TXNDC11: variants seen among roughly 807,000 people sequenced by gnomAD.
TXNDC11 encodes the protein thioredoxin domain-containing protein 11.
Under a neutral mutation model 78.0 loss-of-function variants are expected in TXNDC11, and 68 were observed. The observed-to-expected ratio is 0.87, with a 90% CI of 0.72 to 1.07. The LOEUF is 1.07. Among genes scored for constraint, TXNDC11 ranks in the 50% least tolerant of loss-of-function variants. TXNDC11 has a pLI of 0.00. For missense variants in TXNDC11, 1,389 were observed against 1,221.8 expected (o/e 1.14, Z -2.04); for synonymous variants, 571 against 495.2 (o/e 1.15, Z -2.03).
At chr16:11,735,838 C>G (rs1417680252) in intron 2 of TXNDC11, among the ~76,000 whole-genome samples, 179 bp downstream of exon 2, 1 of 152,168 alleles carries the variant, frequency 6.6e-6, no homozygotes, top group Non-Finnish European at 1.5e-5. Context: ...CCTTGGAGTA[C>G]AATCGCCACA....
At chr16:11,709,979 C>G (rs2051296641) in intron 5 of TXNDC11, among the ~76,000 whole-genome samples, 1 of 152,128 alleles carries the variant, frequency 6.6e-6, no homozygotes, top group African/African-American at 2.4e-5. Flanking sequence ...CCCGTCTCTA[C>G]TAGAAGTACA....
At chr16:11,696,224 G>T (rs73517664) in intron 7 of TXNDC11, among the ~76,000 whole-genome samples, 1 of 151,932 alleles carries the variant, frequency 6.6e-6, no homozygotes, top group Non-Finnish European at 1.5e-5. Flanking sequence ...TCTCTGCTCA[G>T]GGTCCTCCTT....
At chr16:11,738,512 C>T (rs1215274310) in intron 1 of TXNDC11, among the ~76,000 whole-genome samples, 3 of 152,166 alleles carry the variant, frequency 2.0e-5, no homozygotes, top group African/African-American at 7.2e-5. Flanking sequence ...ATACTAAATG[C>T]TCACTATGTG....
At chr16:11,708,900 T>C (rs1300740520) in intron 5 of TXNDC11, among the ~76,000 whole-genome samples, 1 of 152,226 alleles carries the variant, frequency 6.6e-6, no homozygotes, top group Non-Finnish European at 1.5e-5. Context: ...AATAGGATTA[T>C]TTTAAAAAGG....
intron 5 of TXNDC11, among the ~76,000 whole-genome samples, chr16:11,718,766 C>A (rs955798185): frequency 6.6e-6 from 1 of 152,056 alleles, no homozygotes; most frequent in African/African-American, 2.4e-5. Flanking sequence ...GCATATGCAA[C>A]AGAATTTTAC....
chr16:11,715,420 A>G (rs1168153336), intron 5 of TXNDC11, among the ~76,000 whole-genome samples: 4 of 149,492 alleles, frequency 2.7e-5, no homozygotes, highest in Non-Finnish European at 5.9e-5. Context: ...CAAGGTTACC[A>G]CTGCGTTCCA....
At position 11,742,605 on chromosome 16, in the gene TXNDC11, C is replaced by G. The variant is rs953473175; in HGVS notation, c.126G>C (p.Ala42=). The change falls in exon 1 of 12, where the codon GCG becomes GCC. Residue 42 remains alanine (A), a synonymous_variant. Coordinates refer to ENST00000283033, the MANE Select transcript of TXNDC11 (RefSeq NM_015914.7). ...CGCGACGGAGCCGGCCCGCCGAGGA[C>G]GCTGTGGCCAGGGTCGGGCTCGAGC... is the stretch of plus-strand genomic sequence containing the variant. ...CLSSSPTLAT[A]SSAGRLRRGL... is the part of the protein sequence containing the mutation. 7.1e-5 allele frequency: 104 copies of G among 1,459,964 alleles called. No individual in the cohort carries two copies. The highest frequency in any genetic ancestry group is 8.9e-5 in the Non-Finnish European group (99 of 1,112,340). 90.4% of individuals were successfully genotyped at this position (1,459,964 alleles called of 1,614,324 possible). A position where few individuals can be genotyped will look rare whatever the true frequency, so the allele number is the denominator to read the frequency against.
At chr16:11,707,803 T>A (rs564349676) in intron 5 of TXNDC11, among the ~76,000 whole-genome samples, 3 of 152,090 alleles carry the variant, frequency 2.0e-5, no homozygotes, top group Admixed American at 6.5e-5. Context: ...TAAATTAGGC[T>A]GGGTATGGTA....
chr16:11,679,607 A>C lies in TXNDC11; in HGVS notation c.2465T>G (p.Val822Gly). The C allele has an allele frequency of 6.2e-7, 1 of 1,614,066 alleles. No homozygotes were observed. Residue 822 changes from valine to glycine, a missense_variant, in exon 12 of 12, where the codon GTG (valine) becomes GGG (glycine). Coordinates refer to ENST00000283033, the MANE Select transcript of TXNDC11 (RefSeq NM_015914.7). This position sits in a 1 kb window ranked among gnomAD's most constrained non-coding sequence, Gnocchi z 4.6. Reference sequence around the variant, plus strand: ...ACTGGAGAGCTGGGACTCCACCTGCACTTGTGCTCGCTGGAGGCTGCTTAT... The same window carrying C: ...ACTGGAGAGCTGGGACTCCACCTGCCCTTGTGCTCGCTGGAGGCTGCTTAT... ...AEISSLQRAQ[V>G]QVESQLSSAR... is the part of the protein sequence containing the mutation.
intron 3 of TXNDC11, among the ~76,000 whole-genome samples, chr16:11,731,254 GCAGA>G (rs1329728024): frequency 1.3e-5 from 2 of 152,136 alleles, no homozygotes; most frequent in East Asian, 3.9e-4. Context: ...AAAGAAACAG[GCAGA>G]CAAAGGATCA....
In TXNDC11 at chr16:11,711,015, G is replaced by C. The variant is rs374824005; in HGVS notation, c.794-10451C>G. ...AGAAGCTGGGGTGATGAAAATCACA[G>C]GACGTCCAGTGTGCCGGACGTCATG... On this transcript the variant is annotated intron_variant, in intron 5 of 11. Transcript: ENST00000283033. Among the ~76,000 whole-genome samples, 5 of 152,162 alleles carry C rather than the reference G, an allele frequency of 3.3e-5. No homozygotes were observed. The East Asian group carries it at 5.8e-4, about 18-fold the overall frequency.
intron 4 of TXNDC11, among the ~76,000 whole-genome samples, chr16:11,725,978 C>CA (rs1212939562): frequency 6.6e-6 from 1 of 152,234 alleles, no homozygotes; most frequent in Non-Finnish European, 1.5e-5. Context: ...TGGACTCAAG[C>CA]AATCCTTCAG....
intron 4 of TXNDC11, among the ~76,000 whole-genome samples, chr16:11,730,045 G>C (rs908679575): frequency 2.6e-5 from 4 of 152,062 alleles, no homozygotes; most frequent in African/African-American, 9.7e-5. Context: ...AGTGAGCTGA[G>C]ATTGCACTCC....
chr16:11,704,949 G>A (rs1034160259), intron 5 of TXNDC11, among the ~76,000 whole-genome samples: 2 of 150,132 alleles, frequency 1.3e-5, no homozygotes, highest in African/African-American at 2.5e-5. Flanking sequence ...TTGTTCTGTC[G>A]CCCAGGCTGG....
chr16:11,721,666 C>A lies in TXNDC11; in HGVS notation c.704G>T (p.Gly235Val). 1 of 1,607,468 alleles carries A rather than the reference C, an allele frequency of 6.2e-7. No homozygotes were observed. Among genetic ancestry groups the A allele is most frequent in the Non-Finnish European group, 8.5e-7 (1 of 1,175,182 alleles). Residue 235 changes from glycine (G) to valine (V), a missense_variant, in exon 5 of 12, where the codon GGA becomes GTA. Physicochemically the swap from Gly to Val is moderately radical, Grantham distance 109. Coordinates refer to ENST00000283033, the MANE Select transcript of TXNDC11 (RefSeq NM_015914.7). ...LLDFLSNYEP[G>V]VLGYFEFSGS... is the part of the protein sequence containing the mutation. The stretch of plus-strand genomic sequence containing the variant: ...ACTGAACTCAAAGTACCCGAGTACT[C>A]CAGGCTGCAGGAAAAAGAGCAGAAT...
At chr16:11,689,880 C>A (rs367911636) in intron 8 of TXNDC11, 2 of 152,092 alleles carry the variant, frequency 1.3e-5, no homozygotes, top group African/African-American at 4.8e-5. Context: ...TCTATAATAT[C>A]GACAGATTTA....
intron 5 of TXNDC11, among the ~76,000 whole-genome samples, chr16:11,717,799 C>A (rs895440233): frequency 1.3e-5 from 2 of 150,804 alleles, no homozygotes; most frequent in Admixed American, 1.3e-4. Flanking sequence ...CCAGCCTGAA[C>A]GACAGAGAGA....
chr16:11,692,932 G>A (rs2050760470), intron 7 of TXNDC11, among the ~76,000 whole-genome samples: 1 of 152,092 alleles, frequency 6.6e-6, no homozygotes, highest in Admixed American at 6.5e-5. Context: ...TGTTCCCAAG[G>A]CCCAGCACCA....
At position 11,742,611 on chromosome 16, in the gene TXNDC11, G is replaced by C. The variant is rs748213465; in HGVS notation, c.120C>G (p.Ala40=). The part of the protein sequence containing the change: ...SDCLSSSPTL[A]TASSAGRLRR... ...GGAGCCGGCCCGCCGAGGACGCTGT[G>C]GCCAGGGTCGGGCTCGAGCTGAGGC... The change falls in exon 1 of 12, where the codon GCC becomes GCG. Residue 40 remains alanine (A), a synonymous_variant. Coordinates refer to ENST00000283033, the MANE Select transcript of TXNDC11 (RefSeq NM_015914.7). The C allele has an allele frequency of 2.0e-5, 29 of 1,463,610 alleles. 1 individual carries two copies. The South Asian group carries it at 3.4e-4, about 17-fold the overall frequency. The allele number at this position is 1,463,610 out of a possible 1,614,324, so 90.7% of individuals were successfully genotyped here. A position where few individuals can be genotyped will look rare whatever the true frequency, so the allele number is the denominator to read the frequency against.
Sources: allele counts gnomAD v4.1 joint callset (sites outside exome capture counted in the v4.1 genomes callset), GRCh38; gene constraint gnomAD v4.1.1; non-coding constraint Gnocchi (gnomAD v3.1); transcripts MANE v1.5; gene names NCBI Gene and HGNC (gene_info 2026-07-23, HGNC 2026-07-21).